SLMAP: variants seen among roughly 807,000 people sequenced by gnomAD.
SLMAP encodes the protein sarcolemmal membrane-associated protein.
In SLMAP, 44 loss-of-function variants were observed where a neutral mutation model predicts 128.8. That is an observed-to-expected ratio of 0.34 (90% CI 0.27 to 0.44). SLMAP has a LOEUF of 0.44. Ranked by LOEUF, SLMAP falls within the 20% of genes least tolerant of loss-of-function variation. The pLI is 1.00. For missense variants in SLMAP, 787 were observed against 985.3 expected, an observed-to-expected ratio of 0.80 and a Z score of 2.69; for synonymous variants, 327 against 348.8, an observed-to-expected ratio of 0.94 and a Z score of 0.70.
chr3:57,881,520 C>T (rs1447792111), intron 14 of SLMAP, among the ~76,000 whole-genome samples: 4 of 152,204 alleles, frequency 2.6e-5, no homozygotes, highest in East Asian at 3.9e-4. Flanking sequence ...CGCAGTGGTG[C>T]GATCTCGGCT....
At chr3:57,834,778 A>G (rs937316589) in intron 3 of SLMAP, among the ~76,000 whole-genome samples, 3 of 152,114 alleles carry the variant, frequency 2.0e-5, no homozygotes, top group African/African-American at 7.2e-5. Flanking sequence ...ACAAAAAAGA[A>G]AACTATAATT....
At chr3:57,759,686 A>G (rs1044655856) in intron 2 of SLMAP, among the ~76,000 whole-genome samples, 1 of 152,164 alleles carries the variant, frequency 6.6e-6, no homozygotes, top group Non-Finnish European at 1.5e-5. Flanking sequence ...TTACATTTTC[A>G]CCATTTTATG....
intron 9 of SLMAP, among the ~76,000 whole-genome samples, chr3:57,861,606 C>G (rs1410880832): frequency 6.6e-6 from 1 of 152,096 alleles, no homozygotes; most frequent in Non-Finnish European, 1.5e-5. Flanking sequence ...TATTATTAAA[C>G]TTGCTTTCAA....
intron 13 of SLMAP, among the ~76,000 whole-genome samples, chr3:57,868,418 G>T (rs560199457): frequency 1.3e-5 from 2 of 148,712 alleles, no homozygotes; most frequent in African/African-American, 4.9e-5. Context: ...TCTCTAAAAA[G>T]AAAAAAAAAA....
At chr3:57,774,488 A>C (rs1281437008) in intron 2 of SLMAP, among the ~76,000 whole-genome samples, 2 of 149,362 alleles carry the variant, frequency 1.3e-5, no homozygotes, top group African/African-American at 4.9e-5. Context: ...TAGGCACAAG[A>C]GAAATTAGAC....
rs1451155377 is a variant in SLMAP, at chr3:57,869,630, T to TTTTATATATATATA, written c.1238-2005_1238-2004insTTATATATATATAT. Among the ~76,000 whole-genome samples, 204 of 75,446 alleles carry TTTTATATATATATA rather than the reference T, an allele frequency of 2.7e-3. 4 individuals are homozygous for TTTTATATATATATA. Among genetic ancestry groups the TTTTATATATATATA allele is most frequent in the Admixed American group, 0.024 (134 of 5,670 alleles). 49.5% of individuals were successfully genotyped at this position (75,446 alleles called of 152,430 possible). ...ACAACATAGCAAGATCCCATCTCTA[T>TTTTATATATATATA]TATATATATATATATATATATATAT... On this transcript the variant is annotated intron_variant, in intron 13 of 24. Transcript: ENST00000671191.
At position 57,848,792 on chromosome 3, in the gene SLMAP, C is replaced by T. The variant is rs146352725; in HGVS notation, c.457-962C>T. Among the ~76,000 whole-genome samples, 250 of 147,076 alleles carry T rather than the reference C, an allele frequency of 1.7e-3. 2 individuals carry two copies. The highest frequency in any genetic ancestry group is 5.8e-3 in the African/African-American group (231 of 39,890). On this transcript the variant is annotated intron_variant, in intron 5 of 24. Transcript: ENST00000671191. ...TGGTGCAATCTCAGTTTACTGCAAC[C>T]TCCGCCTTCGAGGTTCCAGCGATTC... is the stretch of plus-strand genomic sequence containing the variant.
At chr3:57,778,029 T>C (rs1421219402) in intron 2 of SLMAP, among the ~76,000 whole-genome samples, 1 of 152,246 alleles carries the variant, frequency 6.6e-6, no homozygotes, top group East Asian at 1.9e-4. Context: ...GATTTGCTTA[T>C]ATTTTGTTAA....
intron 19 of SLMAP, among the ~76,000 whole-genome samples, chr3:57,910,249 T>C (rs1188489854): frequency 6.6e-6 from 1 of 152,150 alleles, no homozygotes; most frequent in Admixed American, 6.5e-5. Context: ...TGGAGTGCAG[T>C]GGTGATCTTG....
intron 21 of SLMAP, 151 bp from the exon 22 acceptor site, chr3:57,916,755 A>G: frequency 1.7e-6 from 1 of 602,588 alleles, no homozygotes; most frequent in Non-Finnish European, 2.8e-6. Context: ...GTTTTTGCTT[A>G]TTGAATGAAA....
chr3:57,887,352 C>T (rs960555278), intron 14 of SLMAP, among the ~76,000 whole-genome samples: 14 of 151,758 alleles, frequency 9.2e-5, no homozygotes, highest in African/African-American at 3.4e-4. Flanking sequence ...GCCTCAGCCT[C>T]CTGAGTAGCT....
intron 15 of SLMAP, among the ~76,000 whole-genome samples, chr3:57,892,549 C>T (rs2153653429): frequency 6.6e-6 from 1 of 152,130 alleles, no homozygotes; most frequent in East Asian, 1.9e-4. Context: ...TGTGAGCCAC[C>T]ACTCATGGTC....
At chr3:57,816,167 G>A (rs567590405) in intron 2 of SLMAP, among the ~76,000 whole-genome samples, 11 of 150,800 alleles carry the variant, frequency 7.3e-5, no homozygotes, top group African/African-American at 2.2e-4. Flanking sequence ...GTTTTGAGAC[G>A]GAGTCTTACT....
chr3:57,864,508 G>A, intron 10 of SLMAP, 40 bp from the exon 11 acceptor site: 2 of 1,435,272 alleles, frequency 1.4e-6, no homozygotes, highest in Non-Finnish European at 1.9e-6. Context: ...TTAAAACAGA[G>A]TTAGGTTTGT....
intron 2 of SLMAP, among the ~76,000 whole-genome samples, chr3:57,815,760 C>T (rs1205690366): frequency 6.6e-6 from 1 of 151,942 alleles, no homozygotes; most frequent in African/African-American, 2.4e-5. Context: ...GTCTGAGGCA[C>T]TGCACCAGCC....
At chr3:57,899,066 T>A (rs1213688061) in intron 17 of SLMAP, 2 of 152,216 alleles carry the variant, frequency 1.3e-5, no homozygotes, top group Non-Finnish European at 2.9e-5. Context: ...AACTCCATAT[T>A]AATTGAATAA....
intron 2 of SLMAP, among the ~76,000 whole-genome samples, chr3:57,809,533 T>C (rs1348205379): frequency 6.6e-6 from 1 of 152,158 alleles, no homozygotes; most frequent in Non-Finnish European, 1.5e-5. Context: ...ACCTACAGCC[T>C]GGGCACCACG....
At chr3:57,840,963 A>G (rs1255461431) in intron 3 of SLMAP, among the ~76,000 whole-genome samples, 1 of 152,218 alleles carries the variant, frequency 6.6e-6, no homozygotes, top group African/African-American at 2.4e-5. Context: ...GGGAATAGTC[A>G]GACCTTATGT....
At chr3:57,760,522 G>A (rs2078407109) in intron 2 of SLMAP, among the ~76,000 whole-genome samples, 1 of 152,126 alleles carries the variant, frequency 6.6e-6, no homozygotes, top group African/African-American at 2.4e-5. Context: ...TTATGTGCCA[G>A]ACACTGTGAG....
Sources: allele counts gnomAD v4.1 joint callset (sites outside exome capture counted in the v4.1 genomes callset), GRCh38; gene constraint gnomAD v4.1.1; transcripts MANE v1.5; gene names NCBI Gene and HGNC (gene_info 2026-07-23, HGNC 2026-07-21).